RABGAP1L: variants seen among roughly 807,000 people sequenced by gnomAD.
The protein encoded by RABGAP1L is rab GTPase-activating protein 1-like.
Under a neutral mutation model 137.7 loss-of-function variants are expected in RABGAP1L, and 63 were observed. The ratio of observed to expected loss-of-function variants is 0.46; its 90% CI spans 0.37 to 0.56. RABGAP1L has a LOEUF of 0.56. Among genes scored for constraint, RABGAP1L ranks in the 20% least tolerant of loss-of-function variants. The probability of loss-of-function intolerance (pLI) is 0.00; values close to 1 mark genes in which losing one functional copy is unlikely to be tolerated. For missense variants in RABGAP1L, 1,095 were observed against 1,244.0 expected (o/e 0.88, Z 1.80); for synonymous variants, 431 against 433.7 (o/e 0.99, Z 0.08).
intron 19 of RABGAP1L, among the ~76,000 whole-genome samples, chr1:174,900,955 A>G (rs2149158469): frequency 6.6e-6 from 1 of 150,622 alleles, no homozygotes; most frequent in Middle Eastern, 3.4e-3. Flanking sequence ...TGTTCTCTTT[A>G]CATAATCCCA....
At chr1:174,570,005 A>G (rs1243680799) in intron 13 of RABGAP1L, among the ~76,000 whole-genome samples, 1 of 152,210 alleles carries the variant, frequency 6.6e-6, no homozygotes, top group Non-Finnish European at 1.5e-5. Context: ...CTGTGTAGTT[A>G]TTATGGAATG....
At chr1:174,468,970 T>G (rs1421236297) in intron 13 of RABGAP1L, among the ~76,000 whole-genome samples, 1 of 152,218 alleles carries the variant, frequency 6.6e-6, no homozygotes, top group Non-Finnish European at 1.5e-5. Context: ...TTTGCTTGAA[T>G]ATTTCTGGGG....
chr1:174,587,173 A>G (rs908230357), intron 13 of RABGAP1L, among the ~76,000 whole-genome samples: 2 of 150,206 alleles, frequency 1.3e-5, no homozygotes, highest in African/African-American at 4.9e-5. Flanking sequence ...GTTGGTTCCA[A>G]GTCTTTGCTA....
chr1:174,221,048 GTCT>G lies in RABGAP1L; in HGVS notation c.220_222del (p.Leu74del), dbSNP rs527643678. 2.4e-4 allele frequency: 393 copies of G among 1,613,912 alleles called. 3 individuals carry two copies. In the East Asian group the frequency reaches 7.8e-3, roughly 32 times the overall value. ...AGAGATTCCGAGAAAAGGCCAAGCAGTCTTCTTGTTGATTGTCAAAGTTCCAGT... is the reference window on the plus strand; with the variant it reads ...AGAGATTCCGAGAAAAGGCCAAGCAGTCTTGTTGATTGTCAAAGTTCCAGT... On this transcript the variant is annotated inframe_deletion, in exon 3 of 26. Transcript: ENST00000681986.
chr1:174,166,074 A>G (rs1664884748), intron 1 of RABGAP1L, among the ~76,000 whole-genome samples: 1 of 152,208 alleles, frequency 6.6e-6, no homozygotes, highest in Admixed American at 6.5e-5. Context: ...AACAGGATTT[A>G]TATGTTATGA....
chr1:174,541,141 G>T (rs987344536), intron 13 of RABGAP1L, among the ~76,000 whole-genome samples: 3 of 152,156 alleles, frequency 2.0e-5, no homozygotes, highest in Non-Finnish European at 4.4e-5. Context: ...CATTGATTTT[G>T]TATTCTAGGA....
At chr1:174,787,129 A>C (rs2148785077) in intron 18 of RABGAP1L, among the ~76,000 whole-genome samples, 1 of 152,228 alleles carries the variant, frequency 6.6e-6, no homozygotes, top group South Asian at 2.1e-4. Context: ...GAGGCTGGAC[A>C]TAGTGGCTCA....
Position 174,219,244 on chromosome 1 carries a change from T to C in RABGAP1L, c.87T>C (p.Pro29=). 1 of 1,604,792 alleles carries C rather than the reference T, an allele frequency of 6.2e-7. No homozygotes were observed. The highest frequency in any genetic ancestry group is 1.7e-5 in the Admixed American group (1 of 59,322). The stretch of plus-strand genomic sequence containing the variant: ...ACAGTGAAGAATTTGTTTTGGTTCC[T>C]CAGTATGCAGATGATAATTCTACAA... The part of the protein sequence containing the change: ...TMNSEEFVLV[P]QYADDNSTKH... The change falls in exon 2 of 26, where the codon CCT becomes CCC. Residue 29 remains proline (P), a synonymous_variant. Transcript: ENST00000681986.
rs921467209 is a variant in RABGAP1L at position 174,761,867 on chromosome 1, A to G, written c.2211+9513A>G. Among the ~76,000 whole-genome samples the G allele has an allele frequency of 1.3e-5, 2 of 152,216 alleles. No individual in the cohort carries two copies. The highest frequency in any genetic ancestry group is 4.8e-5 in the African/African-American group (2 of 41,452). On this transcript the variant is annotated intron_variant, in intron 18 of 25. Transcript: ENST00000681986. This position sits in a 1 kb window ranked among gnomAD's most constrained non-coding sequence, Gnocchi z 4.0. ...TTGGGTGGGGACACAGCCAAACCAT[A>G]TCAACAATAAACATAATAAATATAT...
intron 18 of RABGAP1L, among the ~76,000 whole-genome samples, chr1:174,754,112 C>G (rs1684540262): frequency 6.6e-6 from 1 of 152,242 alleles, no homozygotes; most frequent in Admixed American, 6.5e-5. Flanking sequence ...AGGACATACT[C>G]TGGCCACTGG....
chr1:174,484,596 G>A (rs1659450768), intron 13 of RABGAP1L, among the ~76,000 whole-genome samples: 1 of 152,010 alleles, frequency 6.6e-6, no homozygotes, highest in Admixed American at 6.6e-5. Flanking sequence ...TGAGAGATAG[G>A]GTTCTTCTGC....
chr1:174,602,760 T>C (rs184725310), intron 13 of RABGAP1L, among the ~76,000 whole-genome samples: 3 of 152,304 alleles, frequency 2.0e-5, no homozygotes, highest in Non-Finnish European at 4.4e-5. Context: ...GTCCATTGAA[T>C]TTTTCAGCTC....
At chr1:174,808,958 C>T (rs1170862253) in intron 18 of RABGAP1L, among the ~76,000 whole-genome samples, 1 of 152,104 alleles carries the variant, frequency 6.6e-6, no homozygotes, top group Non-Finnish European at 1.5e-5. Flanking sequence ...AGCACGGCCT[C>T]ATTCTCAAAT....
rs993863907 is a variant in RABGAP1L, at chr1:174,308,577, C to T, written c.1465+3450C>T. ...GAGATAAAAGTCTAATCTCTAATTT[C>T]ATTCTTCTGCATGTTGTGGATATCC... On this transcript the variant is annotated intron_variant, in intron 11 of 25. Coordinates refer to ENST00000681986, the MANE Select transcript of RABGAP1L (RefSeq NM_001366446.1). Among the ~76,000 whole-genome samples the T allele has an allele frequency of 6.8e-4, 104 of 152,098 alleles. 1 individual carries two copies. The highest frequency in any genetic ancestry group is 2.3e-3 in the African/African-American group (95 of 41,534).
intron 19 of RABGAP1L, among the ~76,000 whole-genome samples, chr1:174,902,031 G>A (rs1278558543): frequency 2.6e-5 from 4 of 152,274 alleles, no homozygotes; most frequent in African/African-American, 4.8e-5. Flanking sequence ...CTGAGAAAAA[G>A]CAAAGGTGGC....
chr1:174,984,324 C>T lies in RABGAP1L; in HGVS notation c.2805+1419C>T, dbSNP rs567808497. 1.3e-3 allele frequency among the ~76,000 whole-genome samples: 196 copies of T among 152,288 alleles called. 1 individual carries two copies. Among genetic ancestry groups the T allele is most frequent in the African/African-American group, 4.5e-3 (189 of 41,540 alleles). ...CAGCAAAGGTTTTATTGAGCATATA[C>T]TATGTGCATAGCTATTAGACTGCCA... On this transcript the variant is annotated intron_variant, in intron 24 of 25. Transcript: ENST00000681986.
At chr1:174,500,909 G>A (rs1316177637) in intron 13 of RABGAP1L, among the ~76,000 whole-genome samples, 3 of 152,044 alleles carry the variant, frequency 2.0e-5, no homozygotes, top group Non-Finnish European at 4.4e-5. Context: ...CATTGAGACT[G>A]TCTTTTTACC....
chr1:174,247,455 T>A (rs1325282190), intron 5 of RABGAP1L, among the ~76,000 whole-genome samples: 1 of 152,120 alleles, frequency 6.6e-6, no homozygotes, highest in Non-Finnish European at 1.5e-5. Context: ...TGAAAAGGGA[T>A]CCTTGGGAAA....
intron 14 of RABGAP1L, among the ~76,000 whole-genome samples, chr1:174,649,300 G>A (rs1453868479): frequency 3.3e-5 from 5 of 152,044 alleles, no homozygotes; most frequent in Non-Finnish European, 7.4e-5. Flanking sequence ...TAGTGTTGAT[G>A]GTCTTTACAA....
Sources: allele counts gnomAD v4.1 joint callset (sites outside exome capture counted in the v4.1 genomes callset), GRCh38; gene constraint gnomAD v4.1.1; non-coding constraint Gnocchi (gnomAD v3.1); transcripts MANE v1.5; gene names NCBI Gene and HGNC (gene_info 2026-07-23, HGNC 2026-07-21).